DAPP1: variants seen among roughly 807,000 people sequenced by gnomAD.
DAPP1 encodes dual adaptor of phosphotyrosine and 3-phosphoinositides 1.
A neutral mutation model predicts 41.5 loss-of-function variants in DAPP1; 20 were observed. The observed-to-expected ratio is 0.48, with a 90% CI of 0.34 to 0.70. The LOEUF (loss-of-function observed/expected upper bound fraction) is 0.70. Among genes scored for constraint, DAPP1 ranks in the 30% least tolerant of loss-of-function variants. DAPP1 has a pLI of 0.01. For missense variants in DAPP1, 233 were observed against 333.4 expected, an observed-to-expected ratio of 0.70 and a Z score of 2.35; for synonymous variants, 113 against 116.2, an observed-to-expected ratio of 0.97 and a Z score of 0.18.
chr4:99,842,122 G>A (rs17029583), intron 3 of DAPP1, among the ~76,000 whole-genome samples: 3 of 151,968 alleles, frequency 2.0e-5, no homozygotes, highest in African/African-American at 2.4e-5. Context: ...CTAAGGATGC[G>A]CCAAAATAAA....
intron 1 of DAPP1, among the ~76,000 whole-genome samples, chr4:99,827,512 AAC>A (rs969542589): frequency 3.3e-5 from 5 of 150,794 alleles, no homozygotes; most frequent in Non-Finnish European, 7.4e-5. Flanking sequence ...CAGCCTGGGC[AAC>A]AGAGTCAGAC....
chr4:99,819,470 T>C (rs1401634455), intron 1 of DAPP1, among the ~76,000 whole-genome samples: 1 of 152,178 alleles, frequency 6.6e-6, no homozygotes, highest in East Asian at 1.9e-4. Context: ...CACTGATACA[T>C]TTTTTATAGA....
chr4:99,861,850 G>T (rs1724249151), intron 5 of DAPP1, among the ~76,000 whole-genome samples: 1 of 152,172 alleles, frequency 6.6e-6, no homozygotes, highest in South Asian at 2.1e-4. Flanking sequence ...GGTGTAGCCT[G>T]CAGTTAAAAG....
chr4:99,856,876 C>T (rs1222195262), intron 4 of DAPP1, among the ~76,000 whole-genome samples: 1 of 152,200 alleles, frequency 6.6e-6, no homozygotes, highest in Non-Finnish European at 1.5e-5. Flanking sequence ...CAATGGGTTG[C>T]CCTACAGGAG....
chr4:99,862,985 T>TTG (rs772271729), intron 5 of DAPP1, 25 bp from the exon 6 acceptor site: 116 of 1,491,020 alleles, frequency 7.8e-5, no homozygotes, highest in East Asian at 1.7e-4. Context: ...GTCTGTGTGT[T>TTG]TGTGTGTGTG....
Position 99,863,302 on chromosome 4 carries a change from C to T in DAPP1, c.600+230C>T, listed in dbSNP as rs139558544. 7.2e-5 allele frequency among the ~76,000 whole-genome samples: 11 copies of T among 152,208 alleles called. No individual in the cohort carries two copies. In the East Asian group the frequency reaches 1.7e-3, roughly 24 times the overall value. ...GGCTAAACCATAGTTCCCCAGGGCA[C>T]GTAATTCCCTCTGTTTAGGACAATG... On this transcript the variant is annotated intron_variant, in intron 6 of 8. Transcript: ENST00000512369.
intron 3 of DAPP1, among the ~76,000 whole-genome samples, chr4:99,841,770 C>G (rs1330106525): frequency 6.6e-6 from 1 of 152,208 alleles, no homozygotes; most frequent in African/African-American, 2.4e-5. Flanking sequence ...CCGCCAGGTC[C>G]TGGCCCACTG....
chr4:99,836,847 G>C (rs1209053529), intron 2 of DAPP1, among the ~76,000 whole-genome samples: 1 of 152,210 alleles, frequency 6.6e-6, no homozygotes, highest in Non-Finnish European at 1.5e-5. Context: ...ATCCTACCAG[G>C]CTGAAATAAA....
intron 4 of DAPP1, 28 bp downstream of exon 4, chr4:99,853,376 C>T (rs780166482): frequency 5.4e-6 from 7 of 1,302,678 alleles, no homozygotes; most frequent in South Asian, 1.2e-5. Context: ...TGACCACAAG[C>T]TCTCTCCCTG....
At position 99,863,819 on chromosome 4, in the gene DAPP1, A is replaced by G. The variant is rs1724326579; in HGVS notation, c.650A>G (p.Gln217Arg). 6.2e-7 allele frequency: 1 copy of G among 1,602,544 alleles called. No individual in the cohort carries two copies. The highest frequency in any genetic ancestry group is 1.1e-5 in the South Asian group (1 of 89,328). Residue 217 changes from glutamine to arginine, a missense_variant, in exon 7 of 9, where the codon CAA becomes CGA. Transcript: ENST00000512369. ...ILDLTECSAV[Q>R]FDYSQERVNC... ...GACCTAACAGAATGTTCAGCTGTAC[A>G]ATTCGATTATTCACAAGAAAGGGTA...
In DAPP1 at chr4:99,840,207, A is replaced by G. The variant is rs1021629471; in HGVS notation, c.225-82A>G. ...CAGTTCTTATAAAGGGTTAATAGTG[A>G]TGCTAACATCTGAGATCATATTTCC... On this transcript the variant is annotated intron_variant, in intron 2 of 8. Transcript: ENST00000512369. The G allele has an allele frequency of 9.1e-6, 9 of 984,186 alleles. No homozygotes were observed. The Admixed American group carries it at 2.1e-4, about 23-fold the overall frequency. 61.0% of individuals were successfully genotyped at this position (984,186 alleles called of 1,614,324 possible). A position where few individuals can be genotyped will look rare whatever the true frequency, so the allele number is the denominator to read the frequency against.
intron 5 of DAPP1, among the ~76,000 whole-genome samples, chr4:99,862,765 G>A (rs1429400639): frequency 1.3e-5 from 2 of 151,294 alleles, no homozygotes; most frequent in African/African-American, 2.4e-5. Context: ...TAGATATTTT[G>A]AAACTTTTTT....
chr4:99,824,997 C>G (rs1433758409), intron 1 of DAPP1, among the ~76,000 whole-genome samples: 1 of 152,146 alleles, frequency 6.6e-6, no homozygotes, highest in Non-Finnish European at 1.5e-5. Flanking sequence ...CTGTCCAAAT[C>G]TGACTTCCCT....
At chr4:99,844,849 T>G (rs944106352) in intron 3 of DAPP1, among the ~76,000 whole-genome samples, 2 of 152,246 alleles carry the variant, frequency 1.3e-5, no homozygotes, top group African/African-American at 2.4e-5. Context: ...TATTTTGTTT[T>G]GTGACACCAC....
chr4:99,819,997 AGTGT>A (rs1722710912), intron 1 of DAPP1, among the ~76,000 whole-genome samples: 1 of 152,220 alleles, frequency 6.6e-6, no homozygotes, highest in Non-Finnish European at 1.5e-5. Flanking sequence ...TCATTTATAG[AGTGT>A]CAGCCTAAAA....
At chr4:99,833,977 A>G (rs1723208877) in intron 1 of DAPP1, among the ~76,000 whole-genome samples, 3 of 152,188 alleles carry the variant, frequency 2.0e-5, no homozygotes, top group African/African-American at 7.2e-5. Context: ...TACTATTTTA[A>G]ACATGAGGAA....
downstream of DAPP1, among the ~76,000 whole-genome samples, chr4:99,871,734 G>T (rs555270996): frequency 3.9e-5 from 6 of 152,336 alleles, no homozygotes; most frequent in South Asian, 1.2e-3. Flanking sequence ...GAAGGGTTGA[G>T]GTTGAGTTGC....
At chr4:99,848,968 A>G (rs1359488966) in intron 3 of DAPP1, among the ~76,000 whole-genome samples, 1 of 152,202 alleles carries the variant, frequency 6.6e-6, no homozygotes, top group Non-Finnish European at 1.5e-5. Flanking sequence ...CCTCACAGCC[A>G]TGCCAAGAAG....
At chr4:99,851,308 T>C (rs1356023382) in intron 3 of DAPP1, among the ~76,000 whole-genome samples, 1 of 152,146 alleles carries the variant, frequency 6.6e-6, no homozygotes, top group South Asian at 2.1e-4. Flanking sequence ...CTGTTTTTCA[T>C]TGTGATCCCA....
Sources: gnomAD v4.1 joint callset for allele counts (sites outside exome capture counted in the v4.1 genomes callset) on GRCh38, gnomAD v4.1.1 for gene constraint, MANE v1.5 for transcripts, NCBI Gene and HGNC (gene_info 2026-07-23, HGNC 2026-07-21) for gene names.